The following DOCK11 variants were observed in gnomAD, a reference collection of about 807,000 sequenced individuals.
DOCK11 encodes the protein dedicator of cytokinesis 11.
A neutral mutation model predicts 169.1 loss-of-function variants in DOCK11; 70 were observed. The ratio of observed to expected loss-of-function variants is 0.41; its 90% CI spans 0.34 to 0.51. The LOEUF (loss-of-function observed/expected upper bound fraction) is 0.51. DOCK11 is among the 20% of genes least tolerant of loss of function. The pLI, the probability that DOCK11 is intolerant of heterozygous loss-of-function variation, is 0.10. For missense variants in DOCK11, 1,166 were observed against 1,538.8 expected, an observed-to-expected ratio of 0.76 and a Z score of 4.05; for synonymous variants, 529 against 541.3, an observed-to-expected ratio of 0.98 and a Z score of 0.32.
intron 9 of DOCK11, among the ~76,000 whole-genome samples, chrX:118,567,519 G>A (rs1035225632): frequency 3.8e-5 from 4 of 105,456 alleles, no homozygotes; most frequent in African/African-American, 1.4e-4. Flanking sequence ...TGCAACCTCC[G>A]TTGCCGAGGT....
At position 118,505,265 on chromosome X, in the gene DOCK11, G is replaced by T. The variant is rs758774882; in HGVS notation, c.102+9192G>T. On this transcript the variant is annotated intron_variant, in intron 1 of 52. Coordinates refer to ENST00000276202, the MANE Select transcript of DOCK11 (RefSeq NM_144658.4). The stretch of plus-strand genomic sequence containing the variant: ...TGGTCTCGAACTCCTGACCTCAAAT[G>T]ATCCGCCTGCCTCGGCCTCCCAAAG... 5.3e-5 allele frequency among the ~76,000 whole-genome samples: 6 copies of T among 112,228 alleles called. No homozygotes were observed. In the East Asian group the frequency reaches 1.7e-3, roughly 31 times the overall value.
intron 6 of DOCK11, among the ~76,000 whole-genome samples, chrX:118,558,565 A>G (rs1374641231): frequency 1.8e-5 from 2 of 112,150 alleles, no homozygotes; most frequent in East Asian, 5.6e-4. Flanking sequence ...TTTCCCTTTG[A>G]TTTCCATGAG....
At position 118,654,946 on chromosome X, in the gene DOCK11, T is replaced by C; in HGVS notation, c.4954T>C (p.Phe1652Leu). The C allele has an allele frequency of 6.6e-6, 8 of 1,208,168 alleles. No homozygotes were observed. The highest frequency in any genetic ancestry group is 9.0e-6 in the Non-Finnish European group (8 of 892,439). The change falls in exon 44 of 53, where the codon TTT becomes CTT. Residue 1652 changes from phenylalanine to leucine, a missense_variant. Coordinates refer to ENST00000276202, the MANE Select transcript of DOCK11 (RefSeq NM_144658.4). ...CCATGTAGCAGCTCTAGTTGCAGAG[T>C]TTCTTCATCGAAAAAGTAAGATATT... The part of the protein sequence containing the change: ...YVHVAALVAE[F>L]LHRKKLFPNG...
At chrX:118,683,334 A>G in intron 52 of DOCK11, 117 bp downstream of exon 52, 1 of 794,838 alleles carries the variant, frequency 1.3e-6, no homozygotes. Flanking sequence ...TATATTTTAA[A>G]CTTTTTTCAT....
intron 45 of DOCK11, among the ~76,000 whole-genome samples, chrX:118,670,746 T>TA (rs2016449869): frequency 8.9e-6 from 1 of 112,274 alleles, no homozygotes; most frequent in Non-Finnish European, 1.9e-5. Context: ...TGTTAACGTT[T>TA]ACAACTATAG....
At chrX:118,647,705 A>AATAATATAATATATAATAATTAATATAAT (rs2015744063) in intron 40 of DOCK11, among the ~76,000 whole-genome samples, 1 of 52,973 alleles carries the variant, frequency 1.9e-5, no homozygotes, top group Non-Finnish European at 3.1e-5. Flanking sequence ...TATAATATAT[A>AATAATATAATATATAATAATTAATATAAT]ATAATATAAT....
In DOCK11 at chrX:118,561,373, C is replaced by G; in HGVS notation, c.559-10C>G. 1 of 1,176,411 alleles carries G rather than the reference C, an allele frequency of 8.5e-7. No individual in the cohort carries two copies. Among genetic ancestry groups the G allele is most frequent in the Non-Finnish European group, 1.1e-6 (1 of 878,379 alleles). ...AACAAATGTATCATTGCTGGGTTTTCCCCATGTAGGTATTCAAGAGACGAT... is the reference window on the plus strand; with the variant it reads ...AACAAATGTATCATTGCTGGGTTTTGCCCATGTAGGTATTCAAGAGACGAT... On this transcript the variant is annotated splice_polypyrimidine_tract_variant and intron_variant, in intron 6 of 52. Coordinates refer to ENST00000276202, the MANE Select transcript of DOCK11 (RefSeq NM_144658.4).
chrX:118,661,904 T>C (rs932394483), intron 44 of DOCK11, among the ~76,000 whole-genome samples: 4 of 111,965 alleles, frequency 3.6e-5, no homozygotes, highest in African/African-American at 1.3e-4. Flanking sequence ...GCCATTATTT[T>C]ATTCTACCTT....
At chrX:118,587,123 A>G (rs2013840150) in intron 16 of DOCK11, among the ~76,000 whole-genome samples, 1 of 112,216 alleles carries the variant, frequency 8.9e-6, no homozygotes, top group African/African-American at 3.2e-5. Context: ...CAACACTGTC[A>G]GTGTGGTTAA....
intron 40 of DOCK11, among the ~76,000 whole-genome samples, chrX:118,647,707 TA>T (rs1430779314): frequency 3.3e-4 from 18 of 54,839 alleles, no homozygotes; most frequent in African/African-American, 1.3e-3. Context: ...TAATATATAA[TA>T]ATATAATATA....
At position 118,591,654 on chromosome X, in the gene DOCK11, T is replaced by C. The variant is rs112098137; in HGVS notation, c.2139+1352T>C. Among the ~76,000 whole-genome samples, 166 of 105,528 alleles carry C rather than the reference T, an allele frequency of 1.6e-3. 1 individual carries two copies. Among genetic ancestry groups the C allele is most frequent in the African/African-American group, 5.0e-3 (148 of 29,352 alleles). 91.6% of individuals were successfully genotyped at this position (105,528 alleles called of 115,157 possible). On this transcript the variant is annotated intron_variant, in intron 19 of 52. Transcript: ENST00000276202. ...CTTTTTTATTATTATTATTACACTT[T>C]AAGTTTTAGGATACATGTGCACAAC... is the stretch of plus-strand genomic sequence containing the variant.
intron 24 of DOCK11, 48 bp from the exon 25 acceptor site, chrX:118,608,024 T>C (rs2147458081): frequency 2.8e-6 from 3 of 1,053,751 alleles, no homozygotes; most frequent in Non-Finnish European, 3.9e-6. Context: ...TCAAAATATG[T>C]TAATTCATTA....
intron 1 of DOCK11, among the ~76,000 whole-genome samples, chrX:118,499,929 ACCCTTGT>A (rs2057562839): frequency 8.9e-6 from 1 of 111,933 alleles, no homozygotes; most frequent in Admixed American, 9.5e-5. Flanking sequence ...TCCTTGCTGA[ACCCTTGT>A]TTAAGCACCA....
rs1362089652 is a variant in DOCK11 at position 118,583,234 on chromosome X, T to C, written c.1596-1501T>C. The stretch of plus-strand genomic sequence containing the variant: ...ATAGGTGGGAGTTGAACAATGAGAA[T>C]ACATGGACATGGGGAAGGGAACATC... On this transcript the variant is annotated intron_variant, in intron 14 of 52. Transcript: ENST00000276202. Among the ~76,000 whole-genome samples the C allele has an allele frequency of 1.4e-4, 15 of 110,616 alleles. No individual in the cohort carries two copies. The East Asian group carries it at 2.3e-3, about 17-fold the overall frequency.
At chrX:118,667,515 G>A (rs1389864648) in intron 45 of DOCK11, among the ~76,000 whole-genome samples, 1 of 108,417 alleles carries the variant, frequency 9.2e-6, no homozygotes, top group Non-Finnish European at 1.9e-5. Context: ...CAAAAGTTCG[G>A]TTTTTCATAT....
intron 21 of DOCK11, 112 bp from the exon 22 acceptor site, chrX:118,597,918 G>C: frequency 4.0e-6 from 2 of 495,262 alleles, no homozygotes; most frequent in Non-Finnish European, 6.3e-6. Context: ...GTAATCTCTT[G>C]GTATGAAATT....
Position 118,680,696 on chromosome X carries a change from A to C in DOCK11, c.5671+4A>C, listed in dbSNP as rs754212064. ...AAACGCCGTACAATCTTGACAAGTA[A>C]GTACAATTTTACATATTAACTTCTT... On this transcript the variant is annotated splice_donor_region_variant and intron_variant, in intron 49 of 52. Coordinates refer to ENST00000276202, the MANE Select transcript of DOCK11 (RefSeq NM_144658.4). The C allele has an allele frequency of 3.5e-6, 4 of 1,156,952 alleles. No homozygotes were observed. The South Asian group carries it at 8.4e-5, about 24-fold the overall frequency.
chrX:118,558,728 T>TA (rs757703007), intron 6 of DOCK11, among the ~76,000 whole-genome samples: 77 of 112,640 alleles, frequency 6.8e-4, no homozygotes, highest in Admixed American at 2.0e-3. Context: ...AGATGACTTT[T>TA]AAAAATATTC....
chrX:118,657,288 G>T (rs981639378), intron 44 of DOCK11, among the ~76,000 whole-genome samples: 7 of 111,268 alleles, frequency 6.3e-5, no homozygotes, highest in Non-Finnish European at 9.4e-5. Context: ...ATTCTTCATA[G>T]AAATCAAAGC....
Sources: allele counts gnomAD v4.1 joint callset (sites outside exome capture counted in the v4.1 genomes callset), GRCh38; gene constraint gnomAD v4.1.1; transcripts MANE v1.5; gene names NCBI Gene and HGNC (gene_info 2026-07-23, HGNC 2026-07-21).